The following NUP188 variants were observed in gnomAD, a reference collection of about 807,000 sequenced individuals.
NUP188 encodes the protein nucleoporin NUP188.
NUP188 carries 97 observed loss-of-function variants against 223.0 expected under a neutral mutation model. The observed-to-expected ratio is 0.43, with a 90% CI of 0.37 to 0.51. The LOEUF is 0.51. NUP188 is among the 20% of genes least tolerant of loss of function. The pLI, the probability that NUP188 is intolerant of heterozygous loss-of-function variation, is 0.00. For synonymous variants in NUP188, 869 were observed against 828.0 expected, an observed-to-expected ratio of 1.05 and a Z score of -0.85; for missense variants, 1,947 against 2,175.6, an observed-to-expected ratio of 0.89 and a Z score of 2.09.
chr9:128,997,607 A>G, intron 30 of NUP188, among the ~76,000 whole-genome samples: 1 of 152,096 alleles, frequency 6.6e-6, no homozygotes, highest in East Asian at 1.9e-4. Context: ...TTCCCACCTC[A>G]GCCTCCCAAG....
At chr9:128,976,268 C>T (rs955079060) in intron 12 of NUP188, among the ~76,000 whole-genome samples, 1 of 152,180 alleles carries the variant, frequency 6.6e-6, no homozygotes, top group Non-Finnish European at 1.5e-5. Flanking sequence ...AACTAAATCA[C>T]TCTGTTCATT....
intron 8 of NUP188, among the ~76,000 whole-genome samples, chr9:128,965,106 G>A (rs2131150017): frequency 6.6e-6 from 1 of 152,196 alleles, no homozygotes; most frequent in South Asian, 2.1e-4. Context: ...TACCAGTGAA[G>A]CCATCTGGGT....
rs566544581 is a variant in NUP188 at position 128,980,211 on chromosome 9, C to T, written c.1270-395C>T. Among the ~76,000 whole-genome samples, 5 of 152,284 alleles carry T rather than the reference C, an allele frequency of 3.3e-5. No individual in the cohort carries two copies. In the East Asian group the frequency reaches 7.7e-4, roughly 24 times the overall value. ...GATGCTGTCTGATGTTATAGAACCACAGTGCTCCTGGGAGAAGGAGAAGCT... is the reference window on the plus strand; with the variant it reads ...GATGCTGTCTGATGTTATAGAACCATAGTGCTCCTGGGAGAAGGAGAAGCT... On this transcript the variant is annotated intron_variant, in intron 13 of 43. Transcript: ENST00000372577.
At chr9:129,005,964 C>T (rs903236153) in intron 41 of NUP188, 86 bp from the exon 42 acceptor site, 1 of 1,482,284 alleles carries the variant, frequency 6.7e-7, no homozygotes, top group Non-Finnish European at 9.4e-7. Context: ...ATTAAATTTG[C>T]TTAGTGCAGG....
At chr9:129,004,199 C>A (rs556348242) in intron 38 of NUP188, among the ~76,000 whole-genome samples, 1 of 148,964 alleles carries the variant, frequency 6.7e-6, no homozygotes, top group East Asian at 2.1e-4. Context: ...AGGAGAATCG[C>A]TTGAACTCAG....
chr9:128,958,121 C>A, intron 6 of NUP188, 67 bp downstream of exon 6: 2 of 1,289,426 alleles, frequency 1.6e-6, no homozygotes, highest in Non-Finnish European at 2.2e-6. Context: ...ACCTCATTTT[C>A]CTGAGCATTG....
intron 15 of NUP188, among the ~76,000 whole-genome samples, chr9:128,982,120 T>G (rs4599905): frequency 1 from 151,543 of 152,038 alleles, 75,529 homozygotes; most frequent in Middle Eastern, 1. Flanking sequence ...AACTTTTTTG[T>G]GTATTTTAGT....
At chr9:128,986,925 G>A (rs910386326) in intron 22 of NUP188, 50 bp downstream of exon 22, 4 of 1,543,800 alleles carry the variant, frequency 2.6e-6, no homozygotes, top group Admixed American at 1.7e-5. Context: ...GGCAAGACAC[G>A]GGCTTTTGCT....
At chr9:128,981,913 ACTAAAAATATAAAATTAG>A (rs1842259658) in intron 15 of NUP188, among the ~76,000 whole-genome samples, 1 of 152,040 alleles carries the variant, frequency 6.6e-6, no homozygotes, top group Admixed American at 6.6e-5. Flanking sequence ...CCCCGTCTCT[ACTAAAAATATAAAATTAG>A]TCGGGCGTGG....
chr9:128,951,223 G>T (rs531520489), intron 2 of NUP188, among the ~76,000 whole-genome samples: 4 of 151,086 alleles, frequency 2.6e-5, no homozygotes, highest in South Asian at 2.1e-4. Context: ...CAGGAGATTC[G>T]CTTGAACCCG....
At chr9:128,990,663 G>C (rs1026177227) in intron 25 of NUP188, among the ~76,000 whole-genome samples, 3 of 152,232 alleles carry the variant, frequency 2.0e-5, no homozygotes, top group Non-Finnish European at 4.4e-5. Flanking sequence ...AGGAGATCAA[G>C]ACCATCCTGG....
chr9:128,980,114 G>A (rs1424727494), intron 13 of NUP188, among the ~76,000 whole-genome samples: 1 of 152,218 alleles, frequency 6.6e-6, no homozygotes, highest in Non-Finnish European at 1.5e-5. Flanking sequence ...CTTGCTCTGA[G>A]CATTGACAAC....
chr9:128,956,952 G>C lies in NUP188; in HGVS notation c.247G>C (p.Gly83Arg). Residue 83 changes from glycine to arginine, a missense_variant and splice_region_variant, in exon 5 of 44, where the codon GGT becomes CGT. Gly to Arg is a moderately radical substitution (Grantham distance 125, BLOSUM62 -2). This residue lies in a region of NUP188 where 817 missense variants were observed against 865.8 expected (regional missense o/e 0.94). Coordinates refer to ENST00000372577, the MANE Select transcript of NUP188 (RefSeq NM_015354.3). The stretch of plus-strand genomic sequence containing the variant: ...CTTACTTAAAATCTCTGTGTTTCAG[G>C]GTCTTGATGAAGAACAGAGTGTGCA... ...ELGLRISKFLGLDEEQSVQLL... is the reference protein window; with the variant it reads ...ELGLRISKFLRLDEEQSVQLL... 2 of 1,605,348 alleles carry C rather than the reference G, an allele frequency of 1.2e-6. No homozygotes were observed. The highest frequency in any genetic ancestry group is 1.7e-6 in the Non-Finnish European group (2 of 1,175,070).
At position 128,987,935 on chromosome 9, in the gene NUP188, C is replaced by T. The variant is rs17508062; in HGVS notation, c.2394-112C>T. ...TCCTAGTTTGGACTGGGGCCTCTAA[C>T]AGAAGCTGTTGAACTCTGGGATTAT... On this transcript the variant is annotated intron_variant, in intron 23 of 43. Coordinates refer to ENST00000372577, the MANE Select transcript of NUP188 (RefSeq NM_015354.3). The T allele has an allele frequency of 6.5e-3, 8,737 of 1,337,456 alleles. 420 individuals are homozygous for T. In the African/African-American group the frequency reaches 0.11, roughly 16 times the overall value. The allele number at this position is 1,337,456 out of a possible 1,614,324, so 82.8% of individuals were successfully genotyped here. A position where few individuals can be genotyped will look rare whatever the true frequency, so the allele number is the denominator to read the frequency against.
chr9:128,965,593 C>T (rs919922766), intron 8 of NUP188, among the ~76,000 whole-genome samples: 2 of 151,956 alleles, frequency 1.3e-5, no homozygotes, highest in Non-Finnish European at 2.9e-5. Context: ...GATGGGAGTA[C>T]AGGTGTGCAC....
intron 4 of NUP188, 106 bp downstream of exon 4, chr9:128,956,540 A>G: frequency 1.6e-6 from 1 of 611,074 alleles, no homozygotes; most frequent in Non-Finnish European, 2.7e-6. Flanking sequence ...TTTGGGGATT[A>G]AATTGTTTTA....
intron 12 of NUP188, among the ~76,000 whole-genome samples, chr9:128,977,786 G>A (rs979647113): frequency 1.3e-5 from 2 of 152,134 alleles, no homozygotes; most frequent in East Asian, 1.9e-4. Context: ...GTGAAAGACC[G>A]AAACTTCATC....
chr9:128,972,468 A>G (rs1027428419), intron 11 of NUP188, among the ~76,000 whole-genome samples: 1 of 139,630 alleles, frequency 7.2e-6, no homozygotes, highest in African/African-American at 3.3e-5. Flanking sequence ...TAGAACACAG[A>G]GGATTTCACA....
In NUP188 at chr9:128,983,480, A is replaced by G; in HGVS notation, c.1891A>G (p.Thr631Ala). The G allele has an allele frequency of 6.2e-7, 1 of 1,614,014 alleles. No individual in the cohort carries two copies. The highest frequency in any genetic ancestry group is 8.5e-7 in the Non-Finnish European group (1 of 1,179,958). Residue 631 changes from threonine (T) to alanine (A), a missense_variant, in exon 19 of 44, where the codon ACT becomes GCT. Around this residue, in one of 3 missense-constraint regions of NUP188, gnomAD observed 817 missense variants for 865.8 expected, o/e 0.94. Transcript: ENST00000372577. ...TCTTCCTTTTCCTTCTCAGGTCTGGACTGATCTTCGTCACACAGGTTTTTT... is the reference window on the plus strand; with the variant it reads ...TCTTCCTTTTCCTTCTCAGGTCTGGGCTGATCTTCGTCACACAGGTTTTTT... ...LAARNPAKVW[T>A]DLRHTGFLPF...
Sources: gnomAD v4.1 joint callset for allele counts (sites outside exome capture counted in the v4.1 genomes callset) on GRCh38, gnomAD v4.1.1 for gene constraint, gnomAD v4.1.1 regional missense constraint, MANE v1.5 for transcripts, NCBI Gene and HGNC (gene_info 2026-07-23, HGNC 2026-07-21) for gene names.